LRRC32: variants seen among roughly 807,000 people sequenced by gnomAD.
The protein encoded by LRRC32 is leucine rich repeat containing 32.
A neutral mutation model predicts 15.0 loss-of-function variants in LRRC32; 5 were observed. That is an observed-to-expected ratio of 0.33 (90% CI 0.17 to 0.70). The LOEUF is 0.70. Ranked by LOEUF, LRRC32 falls within the 30% of genes least tolerant of loss-of-function variation. The pLI is 0.66. For missense variants in LRRC32, 803 were observed against 854.2 expected (o/e 0.94, Z 0.75); for synonymous variants, 391 against 403.9 (o/e 0.97, Z 0.38).
In LRRC32 at chr11:76,659,898, G is replaced by A; in HGVS notation, c.1695C>T (p.Arg565=). The A allele has an allele frequency of 2.5e-6, 4 of 1,613,576 alleles. No homozygotes were observed. The highest frequency in any genetic ancestry group is 3.4e-6 in the Non-Finnish European group (4 of 1,179,882). Residue 565 remains arginine (R), a synonymous_variant, in exon 3 of 3, where the codon CGC becomes CGT. Coordinates refer to ENST00000260061, the MANE Select transcript of LRRC32 (RefSeq NM_001128922.2). ...TGAGTGGATTCCCCTGCAGGTAGAG[G>A]CGCCGGAGGCTGGTCTCCAGGCCAC... ...AMGGLETSLR[R]LYLQGNPLSC...
Position 76,658,375 on chromosome 11 carries a change from G to A in LRRC32, c.*1229C>T, listed in dbSNP as rs3781701. The stretch of plus-strand genomic sequence containing the variant: ...AACCCACACCAGGGTGGAAAGGAAG[G>A]GAGGAGGGAAACAGGCAGAGAAGGA... On this transcript the variant is annotated 3_prime_UTR_variant, in exon 3 of 3. Transcript: ENST00000260061. 51,215 of 152,914 alleles carry A rather than the reference G, an allele frequency of 0.33. 8,732 individuals carry two copies. Among genetic ancestry groups the A allele is most frequent in the South Asian group, 0.36 (1,741 of 4,836 alleles). The allele number at this position is 152,914 out of a possible 1,614,324, so 9.5% of individuals were successfully genotyped here. A position where few individuals can be genotyped will look rare whatever the true frequency, so the allele number is the denominator to read the frequency against.
chr11:76,661,472 G>A lies in LRRC32; in HGVS notation c.121C>T (p.Leu41Phe), dbSNP rs1442232701. 1 of 1,612,348 alleles carries A rather than the reference G, an allele frequency of 6.2e-7. No homozygotes were observed. The highest frequency in any genetic ancestry group is 1.1e-5 in the South Asian group (1 of 90,650). Reference sequence around the variant, plus strand: ...GGCGGGAGCACCGAGGGGACCTGGAGCAGGCCCAGAACCTGGCACGAGACC... The same window carrying A: ...GGCGGGAGCACCGAGGGGACCTGGAACAGGCCCAGAACCTGGCACGAGACC... ...KKVSCQVLGL[L>F]QVPSVLPPDT... The change falls in exon 3 of 3, where the codon CTC becomes TTC. Residue 41 changes from leucine (L) to phenylalanine (F), a missense_variant. By Grantham distance (22) the Leu-to-Phe change is conservative. Transcript: ENST00000260061.
At position 76,660,331 on chromosome 11, in the gene LRRC32, C is replaced by T. The variant is rs200320285; in HGVS notation, c.1262G>A (p.Arg421Gln). 34 of 1,607,716 alleles carry T rather than the reference C, an allele frequency of 2.1e-5. 1 individual carries two copies. The highest frequency in any genetic ancestry group is 1.1e-4 in the East Asian group (5 of 44,732). The change falls in exon 3 of 3, where the codon CGA becomes CAA. Residue 421 changes from arginine (R) to glutamine (Q), a missense_variant. Transcript: ENST00000260061. ...ATCTGGCCCCCCACAGGGGCTGACT[C>T]GGTTCCCCTGCAGGTTGAGCCGCTG... ...SLQRLNLQGN[R>Q]VSPCGGPDEP...
At chr11:76,668,670 A>C (rs1288568412) in intron 1 of LRRC32, among the ~76,000 whole-genome samples, 1 of 152,214 alleles carries the variant, frequency 6.6e-6, no homozygotes, top group African/African-American at 2.4e-5. Flanking sequence ...ATGTGGGAAC[A>C]GGGGCCTACT....
chr11:76,664,699 A>G (rs1952595365), intron 2 of LRRC32, among the ~76,000 whole-genome samples: 1 of 152,138 alleles, frequency 6.6e-6, no homozygotes, highest in African/African-American at 2.4e-5. Flanking sequence ...CCTATCTCTT[A>G]TCTCATTTCC....
Position 76,661,300 on chromosome 11 carries a change from T to C in LRRC32, c.293A>G (p.His98Arg), listed in dbSNP as rs779299180. Residue 98 changes from histidine (H) to arginine (R), a missense_variant, in exon 3 of 3, where the codon CAC becomes CGC. Physicochemically the swap from His to Arg is conservative, Grantham distance 29. Coordinates refer to ENST00000260061, the MANE Select transcript of LRRC32 (RefSeq NM_001128922.2). ...LQPGAFQALT[H>R]LEHLSLAHNR... ...GTGAGCCAGGCTGAGGTGCTCCAGGTGGGTCAGGGCCTGGAAGGCTCCTGG... is the reference window on the plus strand; with the variant it reads ...GTGAGCCAGGCTGAGGTGCTCCAGGCGGGTCAGGGCCTGGAAGGCTCCTGG... 2.1e-5 allele frequency: 34 copies of C among 1,613,992 alleles called. No individual in the cohort carries two copies. Among genetic ancestry groups the C allele is most frequent in the Non-Finnish European group, 2.7e-5 (32 of 1,180,018 alleles).
intron 2 of LRRC32, among the ~76,000 whole-genome samples, chr11:76,664,262 G>C (rs1214805091): frequency 3.3e-5 from 5 of 152,232 alleles, no homozygotes; most frequent in Admixed American, 1.3e-4. Context: ...GCCTGATGGT[G>C]GGCAGGGCTG....
At chr11:76,667,285 C>T (rs1351273022) in intron 1 of LRRC32, among the ~76,000 whole-genome samples, 5 of 152,236 alleles carry the variant, frequency 3.3e-5, no homozygotes, top group South Asian at 2.1e-4. Flanking sequence ...ACACGGTGAA[C>T]AAGCCACCGG....
In LRRC32 at chr11:76,659,282, T is replaced by C. The variant is rs1244007197; in HGVS notation, c.*322A>G. On this transcript the variant is annotated 3_prime_UTR_variant, in exon 3 of 3. Coordinates refer to ENST00000260061, the MANE Select transcript of LRRC32 (RefSeq NM_001128922.2). ...GGAGATTCTTGAGGGCGGGAATGTA[T>C]CTCATTTCCCAGCATTCCCAGTGCC... 1.4e-5 allele frequency: 4 copies of C among 295,192 alleles called. No individual in the cohort carries two copies. The Admixed American group carries it at 1.9e-4, about 14-fold the overall frequency. 18.3% of individuals were successfully genotyped at this position (295,192 alleles called of 1,614,324 possible). A position where few individuals can be genotyped will look rare whatever the true frequency, so the allele number is the denominator to read the frequency against.
chr11:76,660,564 G>C lies in LRRC32; in HGVS notation c.1029C>G (p.Phe343Leu). Residue 343 changes from phenylalanine (F) to leucine (L), a missense_variant, in exon 3 of 3, where the codon TTC (phenylalanine) becomes TTG (leucine). By Grantham distance (22) the Phe-to-Leu change is conservative (BLOSUM62 0). Transcript: ENST00000260061. ...SFLEHLTSLC[F>L]LNLSRNCLRT... is the part of the protein sequence containing the mutation. Reference sequence around the variant, plus strand: ...GCAAGCAGTTTCTGCTGAGGTTCAGGAAGCACAGGGAGGTCAGGTGCTCAA... The same window carrying C: ...GCAAGCAGTTTCTGCTGAGGTTCAGCAAGCACAGGGAGGTCAGGTGCTCAA... 2 of 1,614,212 alleles carry C rather than the reference G, an allele frequency of 1.2e-6. No individual in the cohort carries two copies. Among genetic ancestry groups the C allele is most frequent in the East Asian group, 2.2e-5 (1 of 44,878 alleles).
At chr11:76,666,034 C>A in intron 1 of LRRC32, 76 bp from the exon 2 acceptor site, 1 of 1,344,678 alleles carries the variant, frequency 7.4e-7, no homozygotes. Flanking sequence ...CACTCCCACC[C>A]ATTCTGTGCC....
intron 1 of LRRC32, among the ~76,000 whole-genome samples, chr11:76,670,278 AGC>A (rs1389937594): frequency 6.6e-6 from 1 of 152,138 alleles, no homozygotes; most frequent in African/African-American, 2.4e-5. Flanking sequence ...CTGGGATCGG[AGC>A]GTTGCAGGAA....
chr11:76,666,103 C>T (rs1470486868), intron 1 of LRRC32, 145 bp from the exon 2 acceptor site: 1 of 695,260 alleles, frequency 1.4e-6, no homozygotes, highest in Non-Finnish European at 2.4e-6. Context: ...TTGAGCAGGG[C>T]AGAGAGCCAG....
In LRRC32 at chr11:76,660,798, C is replaced by A. The variant is rs771821557; in HGVS notation, c.795G>T (p.Pro265=). The change falls in exon 3 of 3, where the codon CCG becomes CCT. Residue 265 remains proline (P), a synonymous_variant. Coordinates refer to ENST00000260061, the MANE Select transcript of LRRC32 (RefSeq NM_001128922.2). Reference sequence around the variant, plus strand: ...TGGACAAGTTCAGGTAGATGAGTCTCGGGAGCGCGGCCAGGTCGGGGAAAT... The same window carrying A: ...TGGACAAGTTCAGGTAGATGAGTCTAGGGAGCGCGGCCAGGTCGGGGAAAT... ...LLHFPDLAAL[P]RLIYLNLSNN... The A allele has an allele frequency of 6.2e-7, 1 of 1,614,072 alleles. No individual in the cohort carries two copies. The highest frequency in any genetic ancestry group is 2.2e-5 in the East Asian group (1 of 44,868).
chr11:76,660,720 G>A lies in LRRC32; in HGVS notation c.873C>T (p.His291=), dbSNP rs373298471. Residue 291 remains histidine, a synonymous_variant, in exon 3 of 3, where the codon CAC becomes CAT. Coordinates refer to ENST00000260061, the MANE Select transcript of LRRC32 (RefSeq NM_001128922.2). Reference sequence around the variant, plus strand: ...GGGCTGACCAGCCCTCGGAAGGTGCGTGGATGCCCTTGCTGTCCTGGGGTG... The same window carrying A: ...GGGCTGACCAGCCCTCGGAAGGTGCATGGATGCCCTTGCTGTCCTGGGGTG... ...TGPPQDSKGI[H]APSEGWSALP... is the part of the protein sequence containing the mutation. 19 of 1,614,142 alleles carry A rather than the reference G, an allele frequency of 1.2e-5. No individual in the cohort carries two copies. The East Asian group carries it at 1.8e-4, about 15-fold the overall frequency.
At chr11:76,668,150 C>T (rs539112170) in intron 1 of LRRC32, among the ~76,000 whole-genome samples, 8 of 152,236 alleles carry the variant, frequency 5.3e-5, no homozygotes, top group Admixed American at 4.6e-4. Flanking sequence ...CTAGGAGTCT[C>T]GGTGACATGG....
intron 2 of LRRC32, chr11:76,662,760 C>G (rs904278616): frequency 1.3e-5 from 2 of 152,412 alleles, no homozygotes; most frequent in African/African-American, 4.8e-5. Flanking sequence ...CTGACAACTG[C>G]TCAAAAGCTC....
Position 76,660,051 on chromosome 11 carries a change from G to A in LRRC32, c.1542C>T (p.Ile514=), listed in dbSNP as rs779175524. The part of the protein sequence containing the change: ...MVLQVDLPCF[I]CLKRLNLAEN... ...CGGCAAGATTGAGCCGCTTGAGGCA[G>A]ATGAAGCAGGGCAGGTCCACCTGCA... The change falls in exon 3 of 3, where the codon ATC becomes ATT. Residue 514 remains isoleucine, a synonymous_variant. Transcript: ENST00000260061. The A allele has an allele frequency of 3.1e-6, 5 of 1,614,142 alleles. 1 individual carries two copies. The South Asian group carries it at 5.5e-5, about 18-fold the overall frequency.
chr11:76,665,979 AG>A (rs1565406547), intron 1 of LRRC32, 21 bp from the exon 2 acceptor site: 1 of 1,610,512 alleles, frequency 6.2e-7, no homozygotes, highest in Non-Finnish European at 8.5e-7. Context: ...CGGAGAGGAA[AG>A]GGGAACACTG....
Sources: allele counts gnomAD v4.1 joint callset (sites outside exome capture counted in the v4.1 genomes callset), GRCh38; gene constraint gnomAD v4.1.1; transcripts MANE v1.5; gene names NCBI Gene and HGNC (gene_info 2026-07-23, HGNC 2026-07-21).